ACTR3C: variants seen among roughly 807,000 people sequenced by gnomAD.
The protein encoded by ACTR3C is actin related protein 3C, also known as actin-related protein 3C.
ACTR3C carries 18 observed loss-of-function variants against 26.3 expected under a neutral mutation model. The observed-to-expected ratio is 0.68, with a 90% CI of 0.47 to 1.01. ACTR3C has a LOEUF of 1.01. ACTR3C is among the 50% of genes least tolerant of loss of function. ACTR3C has a pLI of 0.00. For missense variants in ACTR3C, 184 were observed against 250.7 expected, an observed-to-expected ratio of 0.73 and a Z score of 1.80; for synonymous variants, 55 against 94.5, an observed-to-expected ratio of 0.58 and a Z score of 2.42.
chr7:150,036,732 C>T, the ACTR3C span, among the ~76,000 whole-genome samples: 8 of 138,118 alleles, frequency 5.8e-5, 1 homozygote, highest in Admixed American at 1.4e-4. Context: ...CGTTCGGACC[C>T]GTCGGATCGT....
At chr7:150,090,816 G>A in the ACTR3C span, among the ~76,000 whole-genome samples, 32 of 152,144 alleles carry the variant, frequency 2.1e-4, no homozygotes, top group South Asian at 1.0e-3. Context: ...TTTCATACAC[G>A]TCAGGTGCTT....
chr7:149,997,795 C>A, the ACTR3C span, among the ~76,000 whole-genome samples: 1 of 150,000 alleles, frequency 6.7e-6, no homozygotes, highest in Non-Finnish European at 1.5e-5. Flanking sequence ...TAGAACAAAT[C>A]CTGATGTGAT....
the ACTR3C span, among the ~76,000 whole-genome samples, chr7:150,141,730 C>T: frequency 1.3e-5 from 2 of 152,032 alleles, no homozygotes; most frequent in South Asian, 2.1e-4. Context: ...CCCTCAACGG[C>T]GTGCTCTGCC....
At chr7:150,273,547 G>GC (rs770458108) in intron 6 of ACTR3C, among the ~76,000 whole-genome samples, 3 of 150,616 alleles carry the variant, frequency 2.0e-5, no homozygotes, top group Non-Finnish European at 4.4e-5. Context: ...GATTACAGAG[G>GC]CGTGAGCCCC....
chr7:150,012,378 G>C, the ACTR3C span, among the ~76,000 whole-genome samples: 1 of 149,038 alleles, frequency 6.7e-6, no homozygotes, highest in Non-Finnish European at 1.5e-5. Flanking sequence ...GCAGTGGTGC[G>C]ATCTCAGCTC....
the ACTR3C span, among the ~76,000 whole-genome samples, chr7:149,945,011 T>C: frequency 0.21 from 31,218 of 151,252 alleles, 4,620 homozygotes; most frequent in African/African-American, 0.42. Context: ...TCAAAGGTGA[T>C]GGAAAAGCCT....
chr7:150,190,803 C>T, the ACTR3C span, among the ~76,000 whole-genome samples: 1 of 152,080 alleles, frequency 6.6e-6, no homozygotes, highest in Non-Finnish European at 1.5e-5. Flanking sequence ...CAGTTCAGCA[C>T]AGCTGGGGAG....
chr7:150,093,550 TCA>T, the ACTR3C span, among the ~76,000 whole-genome samples: 1 of 150,890 alleles, frequency 6.6e-6, no homozygotes, highest in Non-Finnish European at 1.5e-5. Flanking sequence ...GGGGCACCAC[TCA>T]CAGTCCTCCC....
the ACTR3C span, among the ~76,000 whole-genome samples, chr7:150,181,174 A>G: frequency 6.6e-6 from 1 of 150,970 alleles, no homozygotes; most frequent in Non-Finnish European, 1.5e-5. Context: ...AAATGCACAA[A>G]AGTCAATGCT....
the ACTR3C span, among the ~76,000 whole-genome samples, chr7:149,967,872 T>G: frequency 5.9e-5 from 9 of 152,042 alleles, no homozygotes; most frequent in African/African-American, 2.2e-4. Flanking sequence ...TTCCCAGGCT[T>G]TTCTTCTTGG....
the ACTR3C span, among the ~76,000 whole-genome samples, chr7:150,200,526 T>A: frequency 6.6e-6 from 1 of 152,184 alleles, no homozygotes; most frequent in South Asian, 2.1e-4. Context: ...GTGTTTAATG[T>A]TCACTAGTCA....
chr7:150,003,713 G>A, the ACTR3C span, among the ~76,000 whole-genome samples: 2 of 152,062 alleles, frequency 1.3e-5, no homozygotes, highest in Non-Finnish European at 2.9e-5. Context: ...CTGTATGTGT[G>A]GTGTCTGGTG....
chr7:150,279,259 C>T (rs1835124280), intron 6 of ACTR3C, among the ~76,000 whole-genome samples: 1 of 152,212 alleles, frequency 6.6e-6, no homozygotes, highest in Non-Finnish European at 1.5e-5. Flanking sequence ...GAGCTGTGAT[C>T]ACACCACTGC....
the ACTR3C span, among the ~76,000 whole-genome samples, chr7:149,971,961 G>T: frequency 3.9e-5 from 6 of 152,168 alleles, no homozygotes; most frequent in Non-Finnish European, 8.8e-5. Context: ...ATCTCTAAGG[G>T]CCCTCTCCTC....
At chr7:149,892,340 C>A in the ACTR3C span, 1 of 1,608,022 alleles carries the variant, frequency 6.2e-7, no homozygotes, top group Non-Finnish European at 8.5e-7. Flanking sequence ...CATCAACTCC[C>A]CTCAACACTC....
downstream of ACTR3C, chr7:150,245,301 G>A (rs1393502447): frequency 1.3e-5 from 2 of 152,186 alleles, no homozygotes; most frequent in African/African-American, 4.8e-5. Context: ...GTTATCTTAC[G>A]CTATGGTTGC....
At chr7:150,037,030 C>G in the ACTR3C span, among the ~76,000 whole-genome samples, 2 of 80,326 alleles carry the variant, frequency 2.5e-5, no homozygotes, top group African/African-American at 9.8e-5. Context: ...CAGCCAGGGG[C>G]GGAAGAGGGG....
At chr7:150,101,370 T>C in the ACTR3C span, among the ~76,000 whole-genome samples, 22 of 151,692 alleles carry the variant, frequency 1.5e-4, 1 homozygote, top group African/African-American at 5.1e-4. Context: ...ATCTGCACCA[T>C]GCTGCAGATG....
At chr7:150,198,158 C>T in the ACTR3C span, among the ~76,000 whole-genome samples, 1 of 150,810 alleles carries the variant, frequency 6.6e-6, no homozygotes, top group African/African-American at 2.5e-5. Context: ...CAATGGTGCC[C>T]AGGCTGGAGT....
Sources: gnomAD v4.1 joint callset for allele counts (sites outside exome capture counted in the v4.1 genomes callset) on GRCh38, gnomAD v4.1.1 for gene constraint, MANE v1.5 for transcripts, NCBI Gene and HGNC (gene_info 2026-07-23, HGNC 2026-07-21) for gene names.